Variants in QSER1 observed in about 807,000 individuals in gnomAD.
QSER1 encodes the protein glutamine and serine-rich protein 1.
In QSER1, 49 loss-of-function variants were observed where a neutral mutation model predicts 158.5. The observed-to-expected ratio is 0.31, with a 90% CI of 0.25 to 0.39. The LOEUF (loss-of-function observed/expected upper bound fraction) is 0.39. Among genes scored for constraint, QSER1 ranks in the 10% least tolerant of loss-of-function variants. QSER1 has a pLI of 1.00. For missense variants in QSER1, 1,754 were observed against 2,010.3 expected (o/e 0.87, Z 2.44); for synonymous variants, 650 against 715.5 (o/e 0.91, Z 1.46).
intron 4 of QSER1, among the ~76,000 whole-genome samples, chr11:32,945,596 C>T (rs11032064): frequency 4.7e-4 from 72 of 152,118 alleles, no homozygotes; most frequent in African/African-American, 1.6e-3. Context: ...GAGTTTCTGC[C>T]GAGAGATCCG....
At chr11:32,924,587 A>G (rs573585047) in intron 1 of QSER1, among the ~76,000 whole-genome samples, 46 of 151,932 alleles carry the variant, frequency 3.0e-4, no homozygotes, top group Admixed American at 3.0e-3. Context: ...AAAGGAATAA[A>G]TAAAGACACT....
At position 32,932,807 on chromosome 11, in the gene QSER1, G is replaced by A. The variant is rs1852072173; in HGVS notation, c.1549G>A (p.Glu517Lys). 6.2e-7 allele frequency: 1 copy of A among 1,613,922 alleles called. No homozygotes were observed. The highest frequency in any genetic ancestry group is 8.5e-7 in the Non-Finnish European group (1 of 1,179,950). The stretch of plus-strand genomic sequence containing the variant: ...TGGGTCATCTCAGACTGTAACTCCT[G>A]AAAATCAGACGCTTAATTATTCATC... ...FSGSSQTVTP[E>K]NQTLNYSSNQ... Residue 517 changes from glutamate to lysine, a missense_variant, in exon 4 of 13, where the codon GAA becomes AAA. By Grantham distance (56) the Glu-to-Lys change is moderately conservative (BLOSUM62 1). Around this residue, in one of 2 missense-constraint regions of QSER1, gnomAD observed 1,707 missense variants for 1,919.6 expected, o/e 0.89. Transcript: ENST00000650167.
intron 12 of QSER1, among the ~76,000 whole-genome samples, chr11:32,975,922 A>G (rs146773845): frequency 1.5e-3 from 221 of 152,334 alleles, no homozygotes; most frequent in African/African-American, 5.2e-3. Flanking sequence ...CAGCACTATC[A>G]CTTCTTTTCA....
At chr11:32,951,466 A>G (rs1393042380) in intron 4 of QSER1, among the ~76,000 whole-genome samples, 1 of 152,190 alleles carries the variant, frequency 6.6e-6, no homozygotes, top group Non-Finnish European at 1.5e-5. Context: ...TTTGTAAAAA[A>G]TGAAGCTCAG....
In QSER1 at chr11:32,973,669, A is replaced by G. The variant is rs184486491; in HGVS notation, c.5358+120A>G. 3.7e-5 allele frequency: 36 copies of G among 971,590 alleles called. No homozygotes were observed. In the Admixed American group the frequency reaches 7.6e-4, roughly 21 times the overall value. 60.2% of individuals were successfully genotyped at this position (971,590 alleles called of 1,614,324 possible). A position where few individuals can be genotyped will look rare whatever the true frequency, so the allele number is the denominator to read the frequency against. ...TTGTCATTAAGTGTGAAGGTTTTTC[A>G]GGTAGGAATAAGCGTCACTGGCCTG... On this transcript the variant is annotated intron_variant, in intron 11 of 12. Coordinates refer to ENST00000650167, the MANE Select transcript of QSER1 (RefSeq NM_001076786.3).
chr11:32,975,684 C>A, intron 12 of QSER1: 2 of 1,139,086 alleles, frequency 1.8e-6, no homozygotes, highest in Non-Finnish European at 2.2e-6. Flanking sequence ...TCAGTCACTG[C>A]TTTGACATCT....
intron 4 of QSER1, 67 bp from the exon 5 acceptor site, chr11:32,953,790 A>G (rs142842057): frequency 6.6e-7 from 1 of 1,510,082 alleles, no homozygotes; most frequent in East Asian, 2.3e-5. Flanking sequence ...AACTGTTTTG[A>G]GTTTTACACA....
intron 8 of QSER1, among the ~76,000 whole-genome samples, chr11:32,958,287 T>C (rs1480969854): frequency 1.3e-5 from 2 of 152,214 alleles, no homozygotes; most frequent in East Asian, 3.8e-4. Flanking sequence ...ACATGCAGCC[T>C]TGTAAATAGA....
chr11:32,907,594 T>A (rs1219750503), intron 1 of QSER1, among the ~76,000 whole-genome samples: 1 of 152,336 alleles, frequency 6.6e-6, no homozygotes, highest in Admixed American at 6.5e-5. Flanking sequence ...ATTTGAATCA[T>A]GGAAATATGA....
intron 1 of QSER1, among the ~76,000 whole-genome samples, chr11:32,899,230 A>C (rs1049660568): frequency 1.3e-4 from 20 of 152,312 alleles, no homozygotes; most frequent in African/African-American, 3.8e-4. Flanking sequence ...TGCTTAATAC[A>C]TACTTATATC....
At chr11:32,964,735 T>TAC (rs1176079108) in intron 8 of QSER1, among the ~76,000 whole-genome samples, 6 of 116,656 alleles carry the variant, frequency 5.1e-5, no homozygotes, top group Admixed American at 8.8e-5. Flanking sequence ...TATATATATA[T>TAC]ATATACACAC....
chr11:32,967,848 A>G (rs1852777936), intron 9 of QSER1, among the ~76,000 whole-genome samples: 1 of 152,234 alleles, frequency 6.6e-6, no homozygotes, highest in South Asian at 2.1e-4. Context: ...TCAAGTAATT[A>G]GGAGCTGGAA....
rs1428856092 is a variant in QSER1 at position 32,979,216 on chromosome 11, C to A, written c.*2742C>A. ...GCTGGTTAGCATTTACATTCCTTGC[C>A]AGGGAGTTTGAAATTTATACTATAG... On this transcript the variant is annotated 3_prime_UTR_variant, in exon 13 of 13. Coordinates refer to ENST00000650167, the MANE Select transcript of QSER1 (RefSeq NM_001076786.3). The A allele has an allele frequency of 6.6e-6, 1 of 152,530 alleles. No individual in the cohort carries two copies. The highest frequency in any genetic ancestry group is 2.4e-5 in the African/African-American group (1 of 41,416). 9.4% of individuals were successfully genotyped at this position (152,530 alleles called of 1,614,324 possible). A position where few individuals can be genotyped will look rare whatever the true frequency, so the allele number is the denominator to read the frequency against.
chr11:32,957,976 A>G lies in QSER1; in HGVS notation c.4859A>G (p.Lys1620Arg). 2 of 1,614,148 alleles carry G rather than the reference A, an allele frequency of 1.2e-6. No homozygotes were observed. The highest frequency in any genetic ancestry group is 1.7e-5 in the Admixed American group (1 of 60,036). Residue 1620 changes from lysine (K) to arginine (R), a missense_variant, in exon 8 of 13, where the codon AAA becomes AGA. Lys to Arg is a conservative substitution (Grantham distance 26). This residue lies in a region of QSER1 where 1,707 missense variants were observed against 1,919.6 expected (regional missense o/e 0.89). Coordinates refer to ENST00000650167, the MANE Select transcript of QSER1 (RefSeq NM_001076786.3). ...PSVKPKVKQP[K>R]VKAEPPPKKR... ...GTGAAACCCAAAGTTAAACAGCCAAAAGTAAAGGCTGAGCCACCACCAAAG... is the reference window on the plus strand; with the variant it reads ...GTGAAACCCAAAGTTAAACAGCCAAGAGTAAAGGCTGAGCCACCACCAAAG...
rs1851519127 is a variant in QSER1, at chr11:32,893,861, G to T, written c.209+527G>T. On this transcript the variant is annotated intron_variant, in intron 1 of 12. Coordinates refer to ENST00000650167, the MANE Select transcript of QSER1 (RefSeq NM_001076786.3). The surrounding 1 kb of genome is among the most constrained non-coding windows in gnomAD (Gnocchi z 4.7). ...GGGCTGGGCTACGGGAGAATCCCCGGGGCGCAGGGCAGAAGAGGGGGCCCG... is the reference window on the plus strand; with the variant it reads ...GGGCTGGGCTACGGGAGAATCCCCGTGGCGCAGGGCAGAAGAGGGGGCCCG... 6.6e-6 allele frequency among the ~76,000 whole-genome samples: 1 copy of T among 152,208 alleles called. No homozygotes were observed. Among genetic ancestry groups the T allele is most frequent in the Admixed American group, 6.5e-5 (1 of 15,290 alleles).
chr11:32,932,788 A>T lies in QSER1; in HGVS notation c.1530A>T (p.Ser510=), dbSNP rs1852071451. The T allele has an allele frequency of 6.2e-7, 1 of 1,613,874 alleles. No homozygotes were observed. The highest frequency in any genetic ancestry group is 8.5e-7 in the Non-Finnish European group (1 of 1,179,938). ...ATAAAACATTGACTTTTTCTGGGTC[A>T]TCTCAGACTGTAACTCCTGAAAATC... ...PLYKTLTFSG[S]SQTVTPENQT... The change falls in exon 4 of 13, where the codon TCA becomes TCT. Residue 510 remains serine (S), a synonymous_variant. Transcript: ENST00000650167.
At chr11:32,962,167 C>T (rs915509701) in intron 8 of QSER1, among the ~76,000 whole-genome samples, 2 of 152,066 alleles carry the variant, frequency 1.3e-5, no homozygotes, top group African/African-American at 4.8e-5. Flanking sequence ...TTTGTGTGTG[C>T]GTCTTTTTAA....
Position 32,945,412 on chromosome 11 carries a change from G to T in QSER1, c.4178-8445G>T, listed in dbSNP as rs1411449080. Among the ~76,000 whole-genome samples, 3 of 150,800 alleles carry T rather than the reference G, an allele frequency of 2.0e-5. No individual in the cohort carries two copies. The East Asian group carries it at 5.8e-4, about 29-fold the overall frequency. ...TCCATGTTTAGCGCTTCCTTCAGGA[G>T]CTCTTTTAGGGCAGGCCTGGTGGTG... On this transcript the variant is annotated intron_variant, in intron 4 of 12. Coordinates refer to ENST00000650167, the MANE Select transcript of QSER1 (RefSeq NM_001076786.3).
intron 4 of QSER1, among the ~76,000 whole-genome samples, chr11:32,948,227 G>C (rs935807765): frequency 1.3e-5 from 2 of 152,208 alleles, no homozygotes; most frequent in African/African-American, 2.4e-5. Flanking sequence ...ATAGGATGTG[G>C]CCAGAGTGTG....
Sources: allele counts gnomAD v4.1 joint callset (sites outside exome capture counted in the v4.1 genomes callset), GRCh38; gene constraint gnomAD v4.1.1; regional missense constraint gnomAD v4.1.1; non-coding constraint Gnocchi (gnomAD v3.1); transcripts MANE v1.5; gene names NCBI Gene and HGNC (gene_info 2026-07-23, HGNC 2026-07-21).